MAGI1: variants seen among roughly 807,000 people sequenced by gnomAD.
The protein encoded by MAGI1 is membrane associated guanylate kinase, WW and PDZ domain containing 1.
A neutral mutation model predicts 139.9 loss-of-function variants in MAGI1; 58 were observed. That is an observed-to-expected ratio of 0.41 (90% CI 0.34 to 0.52). The LOEUF (loss-of-function observed/expected upper bound fraction) is 0.52, where lower values mean the gene tolerates loss of function less well. MAGI1 is among the 20% of genes least tolerant of loss of function. The probability of loss-of-function intolerance (pLI) is 0.12; values close to 1 mark genes in which losing one functional copy is unlikely to be tolerated. For missense variants in MAGI1, 1,874 were observed against 1,901.6 expected (o/e 0.99, Z 0.27); for synonymous variants, 812 against 737.9 (o/e 1.10, Z -1.63).
intron 1 of MAGI1, among the ~76,000 whole-genome samples, chr3:65,816,523 G>T (rs137930017): frequency 1.3e-5 from 2 of 152,048 alleles, no homozygotes; most frequent in East Asian, 3.9e-4. Context: ...GATGTTGACC[G>T]TAAACAAAGT....
intron 2 of MAGI1, among the ~76,000 whole-genome samples, chr3:65,595,923 C>T (rs933127611): frequency 6.6e-6 from 1 of 152,098 alleles, no homozygotes; most frequent in Admixed American, 6.5e-5. Context: ...CATTGAGAGA[C>T]AGGGGCAGAC....
chr3:65,993,597 C>A (rs1346090721), intron 1 of MAGI1, among the ~76,000 whole-genome samples: 2 of 152,236 alleles, frequency 1.3e-5, no homozygotes, highest in Non-Finnish European at 2.9e-5. Context: ...CCTTTACACC[C>A]TTGATACGCT....
chr3:65,808,361 T>C (rs1575572926), intron 1 of MAGI1, among the ~76,000 whole-genome samples: 2 of 151,990 alleles, frequency 1.3e-5, no homozygotes, highest in East Asian at 3.9e-4. Flanking sequence ...AAGGCAGGCA[T>C]GGTGGCACAC....
At chr3:65,604,678 T>G (rs2082650098) in intron 2 of MAGI1, among the ~76,000 whole-genome samples, 1 of 152,040 alleles carries the variant, frequency 6.6e-6, no homozygotes, top group Admixed American at 6.5e-5. Flanking sequence ...GCTATTTTCC[T>G]ACTGGATTTT....
intron 1 of MAGI1, among the ~76,000 whole-genome samples, chr3:65,901,782 C>T (rs1158379047): frequency 6.6e-6 from 1 of 152,208 alleles, no homozygotes; most frequent in Non-Finnish European, 1.5e-5. Context: ...CAGCACCCTC[C>T]ACAATTTTGC....
chr3:65,770,926 C>T (rs56747233), intron 1 of MAGI1, among the ~76,000 whole-genome samples: 1,917 of 151,986 alleles, frequency 0.013, 40 homozygotes, highest in African/African-American at 0.044. Context: ...CTCCTAACCT[C>T]GTGATCCACC....
chr3:65,485,320 C>T (rs1951557849), intron 3 of MAGI1, among the ~76,000 whole-genome samples: 1 of 152,098 alleles, frequency 6.6e-6, no homozygotes, highest in African/African-American at 2.4e-5. Context: ...GGACAATAAA[C>T]CACTGTTCTA....
chr3:65,429,377 G>A, intron 12 of MAGI1, 143 bp downstream of exon 12: 2 of 813,504 alleles, frequency 2.5e-6, no homozygotes, highest in Non-Finnish European at 3.8e-6. Context: ...ATGCTAAAGA[G>A]GTTAGTATTT....
intron 2 of MAGI1, among the ~76,000 whole-genome samples, chr3:65,496,428 G>T (rs1244776322): frequency 6.6e-6 from 1 of 152,104 alleles, no homozygotes; most frequent in Non-Finnish European, 1.5e-5. Context: ...AGAAGCAGGG[G>T]GACCAGTTGG....
intron 1 of MAGI1, among the ~76,000 whole-genome samples, chr3:65,835,301 T>C (rs1019040772): frequency 1.3e-5 from 2 of 152,214 alleles, no homozygotes; most frequent in African/African-American, 4.8e-5. Flanking sequence ...AACTACCTTA[T>C]TCACATCAAG....
intron 2 of MAGI1, among the ~76,000 whole-genome samples, chr3:65,545,321 T>C (rs545296177): frequency 1.8e-4 from 28 of 152,218 alleles, no homozygotes; most frequent in African/African-American, 6.5e-4. Context: ...GAGAGAGAGA[T>C]GGCATACCAG....
chr3:65,812,488 A>ACACGCACACACG (rs1161352744), intron 1 of MAGI1, among the ~76,000 whole-genome samples: 1 of 150,396 alleles, frequency 6.6e-6, no homozygotes, highest in African/African-American at 2.4e-5. Context: ...ACACACACAC[A>ACACGCACACACG]CACTTCTCTA....
intron 1 of MAGI1, among the ~76,000 whole-genome samples, chr3:65,851,739 T>A (rs112695928): frequency 0.052 from 7,957 of 151,656 alleles, 714 homozygotes; most frequent in African/African-American, 0.18. Flanking sequence ...ACAGAGCAAG[T>A]CTCTGTCTCA....
At chr3:65,593,615 T>C (rs1174960807) in intron 2 of MAGI1, among the ~76,000 whole-genome samples, 1 of 152,206 alleles carries the variant, frequency 6.6e-6, no homozygotes, top group Non-Finnish European at 1.5e-5. Flanking sequence ...GTTGTACTTT[T>C]TTGCATTGCT....
intron 21 of MAGI1, among the ~76,000 whole-genome samples, chr3:65,362,988 A>G (rs1280563534): frequency 1.3e-5 from 2 of 152,192 alleles, no homozygotes; most frequent in Non-Finnish European, 2.9e-5. Context: ...CTCTTTGCTA[A>G]GGCAGAGAGT....
At chr3:65,784,827 T>C (rs1336758234) in intron 1 of MAGI1, among the ~76,000 whole-genome samples, 1 of 152,180 alleles carries the variant, frequency 6.6e-6, no homozygotes, top group Non-Finnish European at 1.5e-5. Context: ...GGATGAATCC[T>C]GAAACAAGAT....
At chr3:65,370,305 C>A (rs905002969) in intron 18 of MAGI1, among the ~76,000 whole-genome samples, 5 of 152,138 alleles carry the variant, frequency 3.3e-5, no homozygotes, top group Non-Finnish European at 5.9e-5. Context: ...TCACCCTCTG[C>A]CAGACTTGAT....
chr3:65,822,292 C>G (rs1475659938), intron 1 of MAGI1, among the ~76,000 whole-genome samples: 1 of 152,102 alleles, frequency 6.6e-6, no homozygotes, highest in Non-Finnish European at 1.5e-5. Context: ...ATACCTAAAT[C>G]CAAGGCAGGC....
intron 2 of MAGI1, among the ~76,000 whole-genome samples, chr3:65,588,689 A>G (rs1434155001): frequency 2.6e-5 from 4 of 152,220 alleles, no homozygotes; most frequent in Non-Finnish European, 5.9e-5. Flanking sequence ...ACAAAGGGCA[A>G]TGTACTGTCT....
Sources: allele counts gnomAD v4.1 joint callset (sites outside exome capture counted in the v4.1 genomes callset), GRCh38; gene constraint gnomAD v4.1.1; transcripts MANE v1.5; gene names NCBI Gene and HGNC (gene_info 2026-07-23, HGNC 2026-07-21).